DRC3: variants seen among roughly 807,000 people sequenced by gnomAD.
DRC3 encodes leucine rich repeat containing 48.
In DRC3, 45 loss-of-function variants were observed where a neutral mutation model predicts 57.6. The observed-to-expected ratio is 0.78, with a 90% CI of 0.62 to 1.00. The LOEUF (loss-of-function observed/expected upper bound fraction) is 1.00, where lower values mean the gene tolerates loss of function less well. Among genes scored for constraint, DRC3 ranks in the 50% least tolerant of loss-of-function variants. The pLI, the probability that DRC3 is intolerant of heterozygous loss-of-function variation, is 0.00. For missense variants in DRC3, 655 were observed against 675.2 expected (o/e 0.97, Z 0.33); for synonymous variants, 257 against 272.3 (o/e 0.94, Z 0.55).
At chr17:17,977,509 G>A (rs2042443458) in intron 2 of DRC3, 73 bp from the exon 3 acceptor site, 1 of 1,574,702 alleles carries the variant, frequency 6.4e-7, no homozygotes. Flanking sequence ...ACTACAGGGG[G>A]AAACCTCAGC....
rs777242443 is a variant in DRC3 at position 17,994,429 on chromosome 17, G to T, written c.711+11G>T. On this transcript the variant is annotated intron_variant, in intron 7 of 13. Coordinates refer to ENST00000399187, the MANE Select transcript of DRC3 (RefSeq NM_031294.4). The stretch of plus-strand genomic sequence containing the variant: ...CTAGAGAAGCACAAGGTACCGTTCC[G>T]GCAGGCTGCACGCCCTCGGCCCCCT... 3.2e-5 allele frequency: 49 copies of T among 1,550,556 alleles called. No homozygotes were observed. The highest frequency in any genetic ancestry group is 2.1e-4 in the African/African-American group (15 of 73,148).
At position 18,008,450 on chromosome 17, in the gene DRC3, T is replaced by C. The variant is rs1390987449; in HGVS notation, c.1326+1303T>C. ...GACGGGGATGGCCTTTTCACCACCA[T>C]GTACCCCCTCAGTACCAGCAACAGT... On this transcript the variant is annotated intron_variant, in intron 12 of 13. Transcript: ENST00000399187. The surrounding 1 kb of genome is among the most constrained non-coding windows in gnomAD (Gnocchi z 4.3). Among the ~76,000 whole-genome samples, 1 of 152,194 alleles carries C rather than the reference T, an allele frequency of 6.6e-6. No individual in the cohort carries two copies. The highest frequency in any genetic ancestry group is 1.5e-5 in the Non-Finnish European group (1 of 68,028).
At chr17:17,986,755 C>G (rs530797410) in intron 4 of DRC3, among the ~76,000 whole-genome samples, 5 of 151,406 alleles carry the variant, frequency 3.3e-5, no homozygotes, top group African/African-American at 1.2e-4. Context: ...TAAGCCACTA[C>G]GCCCAGCCCC....
chr17:17,976,606 G>T (rs1253402632), intron 2 of DRC3, among the ~76,000 whole-genome samples: 1 of 152,182 alleles, frequency 6.6e-6, no homozygotes, highest in Non-Finnish European at 1.5e-5. Context: ...GCTTGAATCC[G>T]GGCGTTGCAG....
At chr17:18,015,590 TGG>T in intron 12 of DRC3, 2 of 154,758 alleles carry the variant, frequency 1.3e-5, no homozygotes, top group Admixed American at 6.3e-5. Context: ...TGAGTGGCAG[TGG>T]AGAGACAACT....
At chr17:18,011,235 G>A in intron 12 of DRC3, 1 of 259,530 alleles carries the variant, frequency 3.9e-6, no homozygotes. Flanking sequence ...GGGATTACAG[G>A]CGTGAGCCGC....
chr17:17,988,815 G>C (rs1046156385), intron 5 of DRC3, among the ~76,000 whole-genome samples: 5 of 152,190 alleles, frequency 3.3e-5, no homozygotes, highest in African/African-American at 4.8e-5. Context: ...CAAGCGCTGA[G>C]TTGTGACTGG....
At chr17:17,995,258 G>GGCA in intron 8 of DRC3, 147 bp downstream of exon 8, 2 of 618,078 alleles carry the variant, frequency 3.2e-6, no homozygotes, top group Non-Finnish European at 5.7e-6. Context: ...GTACCCAACA[G>GGCA]GCAGTTCAGA....
At chr17:18,014,748 T>C (rs961725460) in intron 12 of DRC3, among the ~76,000 whole-genome samples, 1 of 152,224 alleles carries the variant, frequency 6.6e-6, no homozygotes, top group Non-Finnish European at 1.5e-5. Flanking sequence ...ACTGTGGTTG[T>C]AGTTATCTCT....
chr17:18,011,430 C>T, intron 12 of DRC3: 1 of 250,486 alleles, frequency 4.0e-6, no homozygotes, highest in South Asian at 3.7e-5. Flanking sequence ...TGACCAAGCT[C>T]TCTACTGTCC....
At chr17:17,980,885 A>G (rs1597545846) in intron 3 of DRC3, among the ~76,000 whole-genome samples, 1 of 152,098 alleles carries the variant, frequency 6.6e-6, no homozygotes, top group South Asian at 2.1e-4. Flanking sequence ...GAGCCACCGC[A>G]CCTAGCCACT....
At chr17:17,988,564 G>A (rs1391367984) in intron 5 of DRC3, 1 of 157,632 alleles carries the variant, frequency 6.3e-6, no homozygotes, top group Non-Finnish European at 1.4e-5. Flanking sequence ...GAGGCTTAGG[G>A]GTGTGCACAA....
chr17:18,002,867 C>T (rs534289496), intron 9 of DRC3, among the ~76,000 whole-genome samples: 1 of 152,264 alleles, frequency 6.6e-6, no homozygotes, highest in Non-Finnish European at 1.5e-5. Context: ...TAAATTTTTT[C>T]CTCTAGCTTA....
chr17:18,007,270 G>C (rs971017844), intron 12 of DRC3, 123 bp downstream of exon 12: 1 of 1,019,462 alleles, frequency 9.8e-7, no homozygotes, highest in Admixed American at 2.2e-5. Flanking sequence ...TCTGCAAAAG[G>C]GCACACTAAC....
intron 3 of DRC3, among the ~76,000 whole-genome samples, chr17:17,980,250 T>TTTTG (rs375221909): frequency 7.2e-5 from 11 of 151,956 alleles, no homozygotes; most frequent in South Asian, 2.1e-4. Context: ...TATGTTTTTT[T>TTTTG]TTTGTTTGTT....
intron 12 of DRC3, among the ~76,000 whole-genome samples, chr17:18,011,999 T>C (rs2044186019): frequency 6.6e-6 from 1 of 152,218 alleles, no homozygotes; most frequent in South Asian, 2.1e-4. Flanking sequence ...ATTTTTTGTA[T>C]TTTTAGTAGA....
intron 13 of DRC3, 53 bp downstream of exon 13, chr17:18,016,248 A>C (rs1294995931): frequency 1.3e-6 from 2 of 1,586,352 alleles, no homozygotes; most frequent in African/African-American, 2.7e-5. Flanking sequence ...TCTAGCTGAC[A>C]TGGAAATCCT....
At chr17:17,988,790 G>A (rs1342322847) in intron 5 of DRC3, among the ~76,000 whole-genome samples, 1 of 152,216 alleles carries the variant, frequency 6.6e-6, no homozygotes, top group Non-Finnish European at 1.5e-5. Flanking sequence ...GCTTAGGTGA[G>A]TGACCTGGGA....
chr17:17,992,616 C>CA, intron 5 of DRC3, 149 bp from the exon 6 acceptor site: 1 of 778,408 alleles, frequency 1.3e-6, no homozygotes, highest in Non-Finnish European at 2.0e-6. Flanking sequence ...GGAACACCCC[C>CA]ACGCCTGCAC....
Sources: allele counts gnomAD v4.1 joint callset (sites outside exome capture counted in the v4.1 genomes callset), GRCh38; gene constraint gnomAD v4.1.1; non-coding constraint Gnocchi (gnomAD v3.1); transcripts MANE v1.5; gene names NCBI Gene and HGNC (gene_info 2026-07-23, HGNC 2026-07-21).